ZMAT4: variants seen among roughly 807,000 people sequenced by gnomAD.
ZMAT4 encodes zinc finger matrin-type 4.
Under a neutral mutation model 28.7 loss-of-function variants are expected in ZMAT4, and 17 were observed. The ratio of observed to expected loss-of-function variants is 0.59; its 90% CI spans 0.41 to 0.89. The LOEUF is 0.89. ZMAT4 is among the 40% of genes least tolerant of loss of function. The probability of loss-of-function intolerance (pLI) is 0.00; values close to 1 mark genes in which losing one functional copy is unlikely to be tolerated. For synonymous variants in ZMAT4, 117 were observed against 109.2 expected, an observed-to-expected ratio of 1.07 and a Z score of -0.44; for missense variants, 240 against 283.8, an observed-to-expected ratio of 0.85 and a Z score of 1.11.
chr8:40,544,716 G>GA (rs1039947171), intron 6 of ZMAT4, among the ~76,000 whole-genome samples: 17 of 151,472 alleles, frequency 1.1e-4, no homozygotes, highest in African/African-American at 3.6e-4. Flanking sequence ...AGTGCAAAAT[G>GA]AAAAAAAAGG....
rs1185124202 is a variant in ZMAT4, at chr8:40,852,139, GC to G, written c.-4-26460del. Reference sequence around the variant, plus strand: ...GACCTCAAGTGATCCACTTGCCTTGGCCTCCCAAAATGCTGGGATTACAGGC... The same window carrying G: ...GACCTCAAGTGATCCACTTGCCTTGGCTCCCAAAATGCTGGGATTACAGGC... On this transcript the variant is annotated intron_variant, in intron 1 of 6. Transcript: ENST00000297737. Among the ~76,000 whole-genome samples, 5 of 152,018 alleles carry G rather than the reference GC, an allele frequency of 3.3e-5. No homozygotes were observed. In the East Asian group the frequency reaches 7.7e-4, roughly 23 times the overall value.
At chr8:40,818,879 G>T (rs770544116) in intron 2 of ZMAT4, among the ~76,000 whole-genome samples, 2 of 152,166 alleles carry the variant, frequency 1.3e-5, no homozygotes, top group Non-Finnish European at 2.9e-5. Context: ...CAAGAAGAAG[G>T]TATGAGAGTC....
intron 1 of ZMAT4, among the ~76,000 whole-genome samples, chr8:40,844,556 C>A (rs1018559250): frequency 3.9e-5 from 6 of 152,080 alleles, no homozygotes; most frequent in African/African-American, 1.2e-4. Context: ...CCTTGGCCTC[C>A]ATTATCATGT....
chr8:40,792,769 A>G (rs1268283835), intron 2 of ZMAT4, among the ~76,000 whole-genome samples: 2 of 117,968 alleles, frequency 1.7e-5, no homozygotes, highest in Non-Finnish European at 3.7e-5. Context: ...GAGGGGAGGA[A>G]AAGAAAATAA....
chr8:40,877,425 A>G (rs1356466239), intron 1 of ZMAT4, among the ~76,000 whole-genome samples: 1 of 152,214 alleles, frequency 6.6e-6, no homozygotes. Context: ...TTTCATCCCC[A>G]GGAAGGCTGG....
At chr8:40,791,254 G>A (rs1814311261) in intron 2 of ZMAT4, among the ~76,000 whole-genome samples, 1 of 152,200 alleles carries the variant, frequency 6.6e-6, no homozygotes, top group South Asian at 2.1e-4. Flanking sequence ...GGCATCCAGA[G>A]AGTGCAGGGG....
chr8:40,814,355 G>A (rs1014873955), intron 2 of ZMAT4, among the ~76,000 whole-genome samples: 3 of 152,174 alleles, frequency 2.0e-5, no homozygotes, highest in African/African-American at 4.8e-5. Context: ...CCCAGTTGGC[G>A]GAATTACTTG....
chr8:40,736,356 A>C (rs868850123), intron 3 of ZMAT4, among the ~76,000 whole-genome samples: 1 of 152,234 alleles, frequency 6.6e-6, no homozygotes, highest in Non-Finnish European at 1.5e-5. Flanking sequence ...AATGTCAGTC[A>C]GGCAATGGCA....
intron 3 of ZMAT4, among the ~76,000 whole-genome samples, chr8:40,699,558 T>C (rs1006191290): frequency 2.6e-5 from 4 of 151,360 alleles, no homozygotes; most frequent in African/African-American, 9.7e-5. Flanking sequence ...TCAACATAAG[T>C]GTCCATCAAT....
Position 40,807,380 on chromosome 8 carries a change from G to T in ZMAT4, c.102+18195C>A, listed in dbSNP as rs562521745. On this transcript the variant is annotated intron_variant, in intron 2 of 6. Transcript: ENST00000297737. ...TCTCTAAGAACACCAGGAGGAGAAG[G>T]TTGCAGTGAGCTGAGATTGTGCCAC... Among the ~76,000 whole-genome samples the T allele has an allele frequency of 3.2e-4, 48 of 152,206 alleles. 1 individual carries two copies. The highest frequency in any genetic ancestry group is 1.1e-3 in the African/African-American group (44 of 41,528).
chr8:40,584,580 A>G (rs1445330389), intron 5 of ZMAT4, among the ~76,000 whole-genome samples: 1 of 152,180 alleles, frequency 6.6e-6, no homozygotes, highest in African/African-American at 2.4e-5. Context: ...AAAAGTTTGG[A>G]AAAAATAACC....
At chr8:40,887,922 T>C (rs1439010740) in intron 1 of ZMAT4, among the ~76,000 whole-genome samples, 1 of 152,100 alleles carries the variant, frequency 6.6e-6, no homozygotes, top group East Asian at 1.9e-4. Flanking sequence ...CACACAAAGT[T>C]CACGCCAGGT....
At chr8:40,569,747 G>A (rs1804033002) in intron 6 of ZMAT4, among the ~76,000 whole-genome samples, 1 of 152,142 alleles carries the variant, frequency 6.6e-6, no homozygotes. Context: ...GTAAGAACAG[G>A]AAAAAGAGGC....
chr8:40,601,375 C>G (rs1805297401), intron 5 of ZMAT4, among the ~76,000 whole-genome samples: 1 of 121,382 alleles, frequency 8.2e-6, no homozygotes, highest in African/African-American at 3.1e-5. Flanking sequence ...AGGCTGATAG[C>G]CAAAAGAAGG....
At chr8:40,774,677 CAT>C in intron 2 of ZMAT4, among the ~76,000 whole-genome samples, 1 of 52,098 alleles carries the variant, frequency 1.9e-5, no homozygotes, top group Non-Finnish European at 8.2e-5. Flanking sequence ...TATTCAATGA[CAT>C]AGAAATATAT....
chr8:40,664,752 G>T (rs1808335126), intron 5 of ZMAT4, among the ~76,000 whole-genome samples: 1 of 152,228 alleles, frequency 6.6e-6, no homozygotes, highest in East Asian at 1.9e-4. Flanking sequence ...TGGAGGTAAT[G>T]ATTGCACAGC....
intron 6 of ZMAT4, among the ~76,000 whole-genome samples, chr8:40,539,072 C>T (rs1802942940): frequency 6.6e-6 from 1 of 152,184 alleles, no homozygotes; most frequent in Admixed American, 6.5e-5. Context: ...GGATGAGCCA[C>T]CACAACCGGC....
chr8:40,815,990 T>C (rs990969520), intron 2 of ZMAT4, among the ~76,000 whole-genome samples: 1 of 152,086 alleles, frequency 6.6e-6, no homozygotes, highest in African/African-American at 2.4e-5. Flanking sequence ...TCTCTTTCTT[T>C]TTCACCCCAG....
intron 5 of ZMAT4, among the ~76,000 whole-genome samples, chr8:40,590,173 A>G (rs1804841775): frequency 6.6e-6 from 1 of 151,052 alleles, no homozygotes; most frequent in Non-Finnish European, 1.5e-5. Context: ...ACAGGCATGC[A>G]CTACCATGCC....
Sources: gnomAD v4.1 joint callset for allele counts (sites outside exome capture counted in the v4.1 genomes callset) on GRCh38, gnomAD v4.1.1 for gene constraint, MANE v1.5 for transcripts, NCBI Gene and HGNC (gene_info 2026-07-23, HGNC 2026-07-21) for gene names.